The following WASF3 variants were observed in gnomAD, a reference collection of about 807,000 sequenced individuals.
WASF3 encodes the protein actin-binding protein WASF3.
WASF3 carries 11 observed loss-of-function variants against 46.6 expected under a neutral mutation model. The observed-to-expected ratio is 0.24, with a 90% CI of 0.15 to 0.39. The LOEUF is 0.39. Among genes scored for constraint, WASF3 ranks in the 10% least tolerant of loss-of-function variants. WASF3 has a pLI of 1.00. For synonymous variants in WASF3, 242 were observed against 259.7 expected (o/e 0.93, Z 0.65); for missense variants, 576 against 669.8 (o/e 0.86, Z 1.55).
chr13:26,554,043 CCTTCCT>C (rs1566032352), upstream of WASF3, among the ~76,000 whole-genome samples: 809 of 60,322 alleles, frequency 0.013, 140 homozygotes, highest in Admixed American at 0.022. Context: ...CTCTTTCTTT[CCTTCCT>C]TCCTTCCTTC....
chr13:26,662,450 G>A (rs1244146096), intron 3 of WASF3, among the ~76,000 whole-genome samples: 8 of 152,208 alleles, frequency 5.3e-5, no homozygotes, highest in Non-Finnish European at 1.2e-4. Flanking sequence ...GGTACATCAT[G>A]GGATACTACG....
At chr13:26,553,173 C>T (rs577256160), upstream of WASF3, among the ~76,000 whole-genome samples, 17 of 152,306 alleles carry the variant, frequency 1.1e-4, no homozygotes, top group South Asian at 8.3e-4. Context: ...GCTGCATGCA[C>T]GGGATTTCAC....
intron 3 of WASF3, among the ~76,000 whole-genome samples, chr13:26,650,017 A>G (rs1370451374): frequency 6.6e-6 from 1 of 152,162 alleles, no homozygotes; most frequent in Non-Finnish European, 1.5e-5. Flanking sequence ...TGCAGTGAGC[A>G]GAGATCACAC....
At chr13:26,593,059 G>C (rs1880351388) in intron 1 of WASF3, among the ~76,000 whole-genome samples, 1 of 152,098 alleles carries the variant, frequency 6.6e-6, no homozygotes, top group Non-Finnish European at 1.5e-5. Flanking sequence ...TTTTTAGGGA[G>C]TCCCTGCCGT....
upstream of WASF3, among the ~76,000 whole-genome samples, chr13:26,554,096 CTTCTTTCT>C (rs57590764): frequency 4.1e-3 from 30 of 7,382 alleles, no homozygotes; most frequent in African/African-American, 9.0e-3. Flanking sequence ...TCCTTCCTTC[CTTCTTTCT>C]TTCTTTCTTT....
the WASF3 span, among the ~76,000 whole-genome samples, chr13:26,552,425 A>G: frequency 6.6e-6 from 1 of 152,190 alleles, no homozygotes; most frequent in Non-Finnish European, 1.5e-5. Flanking sequence ...AGATATAGCC[A>G]TGTTTCCAGC....
intron 5 of WASF3, among the ~76,000 whole-genome samples, chr13:26,668,942 A>C (rs1290237256): frequency 6.6e-6 from 1 of 152,210 alleles, no homozygotes; most frequent in Non-Finnish European, 1.5e-5. Context: ...TTTACTTAGC[A>C]GTGAAGCCTC....
intron 1 of WASF3, among the ~76,000 whole-genome samples, chr13:26,589,090 G>A (rs1484109798): frequency 1.3e-5 from 2 of 152,140 alleles, no homozygotes; most frequent in Admixed American, 1.3e-4. Flanking sequence ...TACTGTGCCT[G>A]GCCCTGTATT....
intron 3 of WASF3, among the ~76,000 whole-genome samples, chr13:26,663,590 G>C (rs907314597): frequency 5.9e-5 from 9 of 151,982 alleles, no homozygotes; most frequent in Admixed American, 5.2e-4. Flanking sequence ...TGGGGGATGG[G>C]GTACATGTTT....
chr13:26,659,823 G>T (rs1882572959), intron 3 of WASF3, among the ~76,000 whole-genome samples: 1 of 152,182 alleles, frequency 6.6e-6, no homozygotes. Context: ...AATGGAGCTG[G>T]CTCTTCCAAG....
intron 7 of WASF3, chr13:26,680,053 A>G: frequency 6.3e-7 from 1 of 1,597,360 alleles, no homozygotes. Context: ...ACACAAGCTG[A>G]ACCCTAACAG....
At chr13:26,608,354 TA>T (rs1434981753) in intron 1 of WASF3, among the ~76,000 whole-genome samples, 2 of 152,242 alleles carry the variant, frequency 1.3e-5, no homozygotes, top group Admixed American at 6.5e-5. Flanking sequence ...AATTTCTCTT[TA>T]TTTGCTCTCT....
At chr13:26,685,304 A>G (rs963833256) in intron 9 of WASF3, among the ~76,000 whole-genome samples, 4 of 152,148 alleles carry the variant, frequency 2.6e-5, no homozygotes, top group African/African-American at 9.7e-5. Flanking sequence ...TCCTGTGGTG[A>G]TAGAAATGCT....
At position 26,627,696 on chromosome 13, in the gene WASF3, C is replaced by T. The variant is rs76231075; in HGVS notation, c.-10-14565C>T. On this transcript the variant is annotated intron_variant, in intron 2 of 9. Coordinates refer to ENST00000335327, the MANE Select transcript of WASF3 (RefSeq NM_006646.6). ...TTAGCTACCCAAGTTGCTATAAACA[C>T]ATACAAATGTTGGATAGAGTATAAC... Among the ~76,000 whole-genome samples the T allele has an allele frequency of 5.3e-5, 8 of 152,114 alleles. No individual in the cohort carries two copies. In the East Asian group the frequency reaches 1.4e-3, roughly 26 times the overall value.
intron 3 of WASF3, among the ~76,000 whole-genome samples, chr13:26,643,398 T>C (rs2776435): frequency 0.31 from 47,211 of 151,988 alleles, 7,729 homozygotes; most frequent in East Asian, 0.58. Context: ...AGGTAAGTAT[T>C]GGTTTCTTTA....
chr13:26,546,064 CT>C, the WASF3 span, among the ~76,000 whole-genome samples: 1 of 152,120 alleles, frequency 6.6e-6, no homozygotes, highest in Non-Finnish European at 1.5e-5. Flanking sequence ...TGCTTCTTTT[CT>C]TTAAAATTTA....
chr13:26,642,513 C>G, intron 3 of WASF3, 110 bp downstream of exon 3: 4 of 1,297,310 alleles, frequency 3.1e-6, no homozygotes, highest in South Asian at 1.6e-5. Context: ...AGGAAAAGAT[C>G]CTTTCTCCTT....
chr13:26,644,444 G>A (rs1417142073), intron 3 of WASF3, among the ~76,000 whole-genome samples: 1 of 152,238 alleles, frequency 6.6e-6, no homozygotes, highest in African/African-American at 2.4e-5. Flanking sequence ...CTGGGAACCT[G>A]CCTAGTGGAT....
At chr13:26,571,306 T>C (rs1395770098) in intron 1 of WASF3, among the ~76,000 whole-genome samples, 1 of 152,174 alleles carries the variant, frequency 6.6e-6, no homozygotes, top group African/African-American at 2.4e-5. Context: ...GCATGGGTTT[T>C]GAGTCAAGGT....
Sources: allele counts gnomAD v4.1 joint callset (sites outside exome capture counted in the v4.1 genomes callset), GRCh38; gene constraint gnomAD v4.1.1; transcripts MANE v1.5; gene names NCBI Gene and HGNC (gene_info 2026-07-23, HGNC 2026-07-21).